Variants in SCAF8 observed in about 807,000 individuals in gnomAD.
SCAF8 encodes the protein SR-related CTD associated factor 8.
Under a neutral mutation model 140.5 loss-of-function variants are expected in SCAF8, and 23 were observed. That is an observed-to-expected ratio of 0.16 (90% CI 0.12 to 0.23). The LOEUF is 0.23. Ranked by LOEUF, SCAF8 falls within the 10% of genes least tolerant of loss-of-function variation. The pLI, the probability that SCAF8 is intolerant of heterozygous loss-of-function variation, is 1.00. For synonymous variants in SCAF8, 575 were observed against 528.9 expected, an observed-to-expected ratio of 1.09 and a Z score of -1.20; for missense variants, 1,397 against 1,555.7, an observed-to-expected ratio of 0.90 and a Z score of 1.72.
chr6:154,780,422 G>T (rs1280594649), intron 3 of SCAF8, among the ~76,000 whole-genome samples: 5 of 148,374 alleles, frequency 3.4e-5, no homozygotes, highest in African/African-American at 1.0e-4. Flanking sequence ...TTGTTACATA[G>T]GTATACCTGT....
intron 3 of SCAF8, among the ~76,000 whole-genome samples, chr6:154,784,120 G>GAGATATATATATATATATATATATAT (rs1362230678): frequency 1.9e-5 from 2 of 106,832 alleles, no homozygotes; most frequent in African/African-American, 6.4e-5. Flanking sequence ...GGTGTCTTGA[G>GAGATATATATATATATATATATATAT]ATATATATAT....
intron 13 of SCAF8, among the ~76,000 whole-genome samples, chr6:154,816,416 T>C (rs1262037052): frequency 1.3e-5 from 2 of 152,162 alleles, no homozygotes; most frequent in Non-Finnish European, 2.9e-5. Flanking sequence ...CTCCTTTGAG[T>C]CTGTGTTTTA....
chr6:154,827,967 C>T (rs140998011), intron 18 of SCAF8, among the ~76,000 whole-genome samples: 125 of 152,238 alleles, frequency 8.2e-4, no homozygotes, highest in African/African-American at 2.8e-3. Flanking sequence ...TTATCAACAT[C>T]CTCCACCAGA....
intron 12 of SCAF8, among the ~76,000 whole-genome samples, chr6:154,811,540 C>CT (rs962430200): frequency 4.6e-5 from 7 of 151,632 alleles, no homozygotes; most frequent in South Asian, 2.1e-4. Flanking sequence ...TAAGTTTTTT[C>CT]TTTTTTTTAA....
At chr6:154,831,705 A>T (rs1186247185) in intron 19 of SCAF8, among the ~76,000 whole-genome samples, 18 of 9,646 alleles carry the variant, frequency 1.9e-3, no homozygotes, top group African/African-American at 6.4e-3. Flanking sequence ...CCTGTTCTTA[A>T]AAAAAAAAAA....
At chr6:154,815,894 A>G (rs1778234131) in intron 13 of SCAF8, 78 bp downstream of exon 13, 2 of 757,724 alleles carry the variant, frequency 2.6e-6, no homozygotes, top group Non-Finnish European at 4.5e-6. Context: ...TCTGTTCCTA[A>G]TTAGCCCAGT....
intron 3 of SCAF8, among the ~76,000 whole-genome samples, chr6:154,778,755 C>T (rs1363440179): frequency 6.7e-6 from 1 of 148,746 alleles, no homozygotes; most frequent in African/African-American, 2.5e-5. Context: ...CAGAGTGAGA[C>T]CCTGTCTCAA....
At chr6:154,809,102 A>G (rs1778009825) in intron 11 of SCAF8, among the ~76,000 whole-genome samples, 1 of 152,180 alleles carries the variant, frequency 6.6e-6, no homozygotes, top group African/African-American at 2.4e-5. Context: ...CCCCTGAACA[A>G]CAGTTAAGTC....
chr6:154,766,811 C>G lies in SCAF8; in HGVS notation c.31-7178C>G, dbSNP rs527755075. Among the ~76,000 whole-genome samples, 432 of 151,920 alleles carry G rather than the reference C, an allele frequency of 2.8e-3. 3 individuals carry two copies. The highest frequency in any genetic ancestry group is 0.01 in the African/African-American group (422 of 41,446). On this transcript the variant is annotated intron_variant, in intron 1 of 19. Coordinates refer to ENST00000367178, the MANE Select transcript of SCAF8 (RefSeq NM_014892.5). ...GTTTTGTGCTTCACGGGTTTCAAAG[C>G]TTTTTTTGTGGCAGTGGTGGCATCT...
intron 12 of SCAF8, among the ~76,000 whole-genome samples, chr6:154,813,257 G>T (rs1778148874): frequency 6.6e-6 from 1 of 151,908 alleles, no homozygotes; most frequent in African/African-American, 2.4e-5. Context: ...GAGTATACTG[G>T]CTCAAACCTA....
intron 6 of SCAF8, among the ~76,000 whole-genome samples, chr6:154,799,348 A>C (rs1193137780): frequency 6.6e-6 from 1 of 151,160 alleles, no homozygotes; most frequent in Non-Finnish European, 1.5e-5. Context: ...CCTGGCCTCA[A>C]GCAGTCCTTT....
intron 1 of SCAF8, among the ~76,000 whole-genome samples, chr6:154,756,370 A>G (rs1392870669): frequency 6.6e-6 from 1 of 152,252 alleles, no homozygotes; most frequent in Non-Finnish European, 1.5e-5. Flanking sequence ...ACTATTTTAT[A>G]ATGATATGTA....
At chr6:154,829,440 CTT>C (rs149417148) in intron 18 of SCAF8, among the ~76,000 whole-genome samples, 2,559 of 152,150 alleles carry the variant, frequency 0.017, 27 homozygotes, top group Non-Finnish European at 0.024. Flanking sequence ...CTAGTGTACT[CTT>C]TATGTACAGT....
At chr6:154,741,831 CATA>C (rs1319402030) in intron 1 of SCAF8, 22 of 627,902 alleles carry the variant, frequency 3.5e-5, no homozygotes, top group African/African-American at 2.4e-4. Flanking sequence ...ACTTCTAACT[CATA>C]ATGGTGTGAA....
At chr6:154,767,513 C>T (rs1776612831) in intron 1 of SCAF8, among the ~76,000 whole-genome samples, 1 of 145,354 alleles carries the variant, frequency 6.9e-6, no homozygotes, top group Non-Finnish European at 1.5e-5. Context: ...TTGGCAGAAG[C>T]TGCTGCTTCT....
At chr6:154,740,268 G>A (rs1377631530) in intron 1 of SCAF8, among the ~76,000 whole-genome samples, 1 of 152,150 alleles carries the variant, frequency 6.6e-6, no homozygotes, top group East Asian at 1.9e-4. Flanking sequence ...GCAGTCCTAT[G>A]CATTCCAGGA....
chr6:154,770,821 C>T (rs775194620), intron 1 of SCAF8, among the ~76,000 whole-genome samples: 6 of 152,088 alleles, frequency 3.9e-5, no homozygotes, highest in Non-Finnish European at 7.4e-5. Context: ...CTAGGCCCAC[C>T]GCAACCTCCA....
rs910502499 is a variant in SCAF8, at chr6:154,820,447, A to G, written c.1792+114A>G. 8.7e-6 allele frequency: 7 copies of G among 806,538 alleles called. No homozygotes were observed. In the East Asian group the frequency reaches 1.9e-4, roughly 22 times the overall value. 50.0% of individuals were successfully genotyped at this position (806,538 alleles called of 1,614,324 possible). ...TGTATCCTGGATTCATCTCCCAAAA[A>G]AGAGAAAAGATACATTACTATGCCC... is the stretch of plus-strand genomic sequence containing the variant. On this transcript the variant is annotated intron_variant, in intron 15 of 19. Transcript: ENST00000367178.
chr6:154,735,497 G>C (rs950391540), intron 1 of SCAF8, among the ~76,000 whole-genome samples: 11 of 148,394 alleles, frequency 7.4e-5, no homozygotes, highest in Admixed American at 1.4e-4. Flanking sequence ...TGATAAATTA[G>C]AGCAATAGAC....
Sources: gnomAD v4.1 joint callset for allele counts (sites outside exome capture counted in the v4.1 genomes callset) on GRCh38, gnomAD v4.1.1 for gene constraint, MANE v1.5 for transcripts, NCBI Gene and HGNC (gene_info 2026-07-23, HGNC 2026-07-21) for gene names.